The following OCM variants were observed in gnomAD, a reference collection of about 807,000 sequenced individuals.
The protein encoded by OCM is oncomodulin-1.
A neutral mutation model predicts 14.1 loss-of-function variants in OCM; 18 were observed. That is an observed-to-expected ratio of 1.28 (90% CI 0.88 to 1.89). The LOEUF (loss-of-function observed/expected upper bound fraction) is 1.89, where lower values mean the gene tolerates loss of function less well. Ranked by LOEUF, OCM falls within the 40% of genes most tolerant of loss-of-function variation. The pLI is 0.00. For missense variants in OCM, 140 were observed against 137.6 expected, an observed-to-expected ratio of 1.02 and a Z score of -0.09; for synonymous variants, 48 against 51.0, an observed-to-expected ratio of 0.94 and a Z score of 0.25.
At chr7:5,863,947 TC>T in the OCM span, among the ~76,000 whole-genome samples, 1 of 152,016 alleles carries the variant, frequency 6.6e-6, no homozygotes, top group Non-Finnish European at 1.5e-5. Flanking sequence ...GTTAGTATTT[TC>T]TCAGTTAAGG....
the OCM span, among the ~76,000 whole-genome samples, chr7:5,873,817 T>G: frequency 6.6e-6 from 1 of 151,940 alleles, no homozygotes; most frequent in African/African-American, 2.4e-5. Context: ...GTTTAGGAAG[T>G]GATGTCTGTT....
chr7:5,864,477 G>A, the OCM span, among the ~76,000 whole-genome samples: 1 of 152,038 alleles, frequency 6.6e-6, no homozygotes, highest in African/African-American at 2.4e-5. Flanking sequence ...CTAGGGTTTT[G>A]ATGCCTCTTA....
chr7:5,865,975 T>C, the OCM span, among the ~76,000 whole-genome samples: 1 of 152,116 alleles, frequency 6.6e-6, no homozygotes, highest in African/African-American at 2.4e-5. Flanking sequence ...TCCCATAATT[T>C]CAGGGCAGTT....
the OCM span, among the ~76,000 whole-genome samples, chr7:5,859,886 C>G: frequency 1.3e-5 from 2 of 152,066 alleles, no homozygotes; most frequent in Non-Finnish European, 2.9e-5. Flanking sequence ...CAGGGTTTTA[C>G]CATGTTGGCC....
the OCM span, among the ~76,000 whole-genome samples, chr7:5,870,775 G>C: frequency 6.6e-6 from 1 of 152,208 alleles, no homozygotes; most frequent in African/African-American, 2.4e-5. Flanking sequence ...GCATAAGTAT[G>C]CAGTCTTGGC....
chr7:5,868,728 A>G, the OCM span, among the ~76,000 whole-genome samples: 9 of 152,144 alleles, frequency 5.9e-5, no homozygotes, highest in Admixed American at 6.6e-5. Flanking sequence ...TGACACCCAT[A>G]ACAGCTCTGG....
intron 1 of OCM, among the ~76,000 whole-genome samples, chr7:5,881,243 G>A (rs57212843): frequency 0.24 from 36,461 of 150,896 alleles, 4,648 homozygotes; most frequent in Middle Eastern, 0.42. Context: ...GCTTGAACCC[G>A]GGAGGCAGAA....
At chr7:5,863,307 G>A in the OCM span, among the ~76,000 whole-genome samples, 12 of 152,148 alleles carry the variant, frequency 7.9e-5, no homozygotes, top group Non-Finnish European at 1.2e-4. Flanking sequence ...CCTCCCGGGC[G>A]TGTCCTCAAA....
chr7:5,880,975 G>T, intron 1 of OCM, 25 bp downstream of exon 1: 1 of 1,607,902 alleles, frequency 6.2e-7, no homozygotes, highest in Non-Finnish European at 8.5e-7. Flanking sequence ...AGGCGGGGGT[G>T]GGATTTCCTC....
upstream of OCM, among the ~76,000 whole-genome samples, chr7:5,876,028 A>G (rs75880076): frequency 6.6e-6 from 1 of 151,592 alleles, no homozygotes; most frequent in East Asian, 1.9e-4. Context: ...TTTCCGAGAC[A>G]GAGTCTTGCT....
At chr7:5,861,171 C>T in the OCM span, among the ~76,000 whole-genome samples, 4 of 152,032 alleles carry the variant, frequency 2.6e-5, no homozygotes, top group African/African-American at 7.2e-5. Context: ...CCTGTAATCC[C>T]AGCACTTTGA....
chr7:5,877,383 G>A (rs7799633), upstream of OCM, among the ~76,000 whole-genome samples: 88,197 of 151,394 alleles, frequency 0.58, 26,034 homozygotes, highest in African/African-American at 0.67. Flanking sequence ...TGGGAGGATT[G>A]CCTGAGCCCA....
At chr7:5,860,851 TATAC>T in the OCM span, among the ~76,000 whole-genome samples, 3,202 of 145,496 alleles carry the variant, frequency 0.022, 48 homozygotes, top group Non-Finnish European at 0.032. Context: ...TACACATACA[TATAC>T]ATATACATAT....
the OCM span, among the ~76,000 whole-genome samples, chr7:5,860,596 ATATATACGTGTG>A: frequency 1.6e-3 from 89 of 55,408 alleles, 18 homozygotes; most frequent in African/African-American, 6.3e-3. Context: ...ATATACGTGT[ATATATACGTGTG>A]TATATATATT....
In OCM at chr7:5,886,343, A is replaced by G. The variant is rs1477690976; in HGVS notation, c.*254A>G. The G allele has an allele frequency of 2.0e-5, 10 of 502,718 alleles. No homozygotes were observed. The highest frequency in any genetic ancestry group is 5.4e-5 in the South Asian group (2 of 37,084). The allele number at this position is 502,718 out of a possible 1,614,324, so 31.1% of individuals were successfully genotyped here. ...AGGCAATGCCTCTAAAAATCACCCA[A>G]TAAAGACAGGCTTCTCATCATCTGC... On this transcript the variant is annotated 3_prime_UTR_variant, in exon 4 of 4. Transcript: ENST00000242104.
At chr7:5,881,494 G>C (rs913800565) in intron 1 of OCM, among the ~76,000 whole-genome samples, 1 of 151,984 alleles carries the variant, frequency 6.6e-6, no homozygotes, top group Non-Finnish European at 1.5e-5. Context: ...GCGGGGCATG[G>C]TGGCATGTGC....
At chr7:5,862,645 A>G in the OCM span, among the ~76,000 whole-genome samples, 6 of 152,210 alleles carry the variant, frequency 3.9e-5, no homozygotes, top group Admixed American at 2.0e-4. Context: ...TGAGCTCAAG[A>G]TGAATGCAGC....
chr7:5,885,509 C>G (rs1409604341), intron 3 of OCM, among the ~76,000 whole-genome samples: 1 of 151,982 alleles, frequency 6.6e-6, no homozygotes, highest in African/African-American at 2.4e-5. Flanking sequence ...TATTGCAAAG[C>G]TGAAGATGTT....
chr7:5,865,690 G>A, the OCM span, among the ~76,000 whole-genome samples: 1 of 152,164 alleles, frequency 6.6e-6, no homozygotes, highest in Non-Finnish European at 1.5e-5. Flanking sequence ...AGCGATGGGA[G>A]AACACTAAAT....
Sources: gnomAD v4.1 joint callset for allele counts (sites outside exome capture counted in the v4.1 genomes callset) on GRCh38, gnomAD v4.1.1 for gene constraint, MANE v1.5 for transcripts, NCBI Gene and HGNC (gene_info 2026-07-23, HGNC 2026-07-21) for gene names.